The following ATP8A1 variants were observed in gnomAD, a reference collection of about 807,000 sequenced individuals.
ATP8A1 encodes phospholipid-transporting ATPase IA.
ATP8A1 carries 90 observed loss-of-function variants against 177.7 expected under a neutral mutation model. The ratio of observed to expected loss-of-function variants is 0.51; its 90% confidence interval spans 0.43 to 0.60. The LOEUF is 0.60. ATP8A1 is among the 20% of genes least tolerant of loss of function. The pLI is 0.00. For synonymous variants in ATP8A1, 493 were observed against 485.9 expected (o/e 1.01, Z -0.19); for missense variants, 1,072 against 1,392.8 (o/e 0.77, Z 3.67).
intron 35 of ATP8A1, among the ~76,000 whole-genome samples, chr4:42,419,038 G>C (rs1713564132): frequency 6.6e-6 from 1 of 152,140 alleles, no homozygotes; most frequent in Non-Finnish European, 1.5e-5. Context: ...CTGCATCATT[G>C]TATGACAAAA....
intron 20 of ATP8A1, among the ~76,000 whole-genome samples, chr4:42,536,142 T>C (rs1045544709): frequency 6.6e-6 from 1 of 151,868 alleles, no homozygotes. Context: ...ACAACAACTA[T>C]AAAATATAAA....
At chr4:42,420,922 C>T (rs907252376) in intron 35 of ATP8A1, among the ~76,000 whole-genome samples, 3 of 152,072 alleles carry the variant, frequency 2.0e-5, no homozygotes, top group East Asian at 1.9e-4. Context: ...GCGCCCGCCA[C>T]CACGCCTGGC....
chr4:42,492,992 C>T lies in ATP8A1; in HGVS notation c.2152-7324G>A, dbSNP rs571641163. The stretch of plus-strand genomic sequence containing the variant: ...AACAAAGATGGTGACTCTACTGAAA[C>T]GAGGTAACTGGAGGCAGAGCCACTG... On this transcript the variant is annotated intron_variant, in intron 24 of 36. Coordinates refer to ENST00000381668, the MANE Select transcript of ATP8A1 (RefSeq NM_006095.2). 2.2e-4 allele frequency among the ~76,000 whole-genome samples: 34 copies of T among 152,294 alleles called. No individual in the cohort carries two copies. In the South Asian group the frequency reaches 2.7e-3, roughly 12 times the overall value.
intron 33 of ATP8A1, among the ~76,000 whole-genome samples, chr4:42,440,761 C>T (rs531034597): frequency 4.6e-5 from 7 of 152,252 alleles, no homozygotes; most frequent in South Asian, 2.1e-4. Context: ...ATTCAGTCAA[C>T]GTCCCTTTAG....
intron 22 of ATP8A1, among the ~76,000 whole-genome samples, chr4:42,520,281 G>A (rs1377753546): frequency 6.6e-6 from 1 of 151,578 alleles, no homozygotes; most frequent in Non-Finnish European, 1.5e-5. Context: ...TATTAATTCT[G>A]TCTCATGAGG....
At chr4:42,530,764 G>T (rs1231391946) in intron 20 of ATP8A1, among the ~76,000 whole-genome samples, 1 of 152,194 alleles carries the variant, frequency 6.6e-6, no homozygotes, top group Non-Finnish European at 1.5e-5. Context: ...AGAAGGCCGT[G>T]TATGCTCTGA....
intron 17 of ATP8A1, 71 bp downstream of exon 17, chr4:42,552,434 A>T: frequency 7.7e-7 from 1 of 1,291,618 alleles, no homozygotes; most frequent in Non-Finnish European, 1.1e-6. Context: ...CTATCTTTTT[A>T]AAATTAAATT....
Position 42,569,220 on chromosome 4 carries a change from A to G in ATP8A1, c.1296-15T>C, listed in dbSNP as rs1731665835. 4.4e-6 allele frequency: 7 copies of G among 1,601,452 alleles called. No individual in the cohort carries two copies. Among genetic ancestry groups the G allele is most frequent in the Non-Finnish European group, 5.1e-6 (6 of 1,172,786 alleles). ...CAGGGACATGGCTTCAGAAAGCAAG[A>G]AGAGAGGCAGAAAGAGAGGAAAAAT... On this transcript the variant is annotated splice_polypyrimidine_tract_variant and intron_variant, in intron 14 of 36. Transcript: ENST00000381668.
intron 25 of ATP8A1, among the ~76,000 whole-genome samples, chr4:42,473,403 C>T (rs1308533919): frequency 1.3e-5 from 2 of 152,136 alleles, no homozygotes; most frequent in African/African-American, 4.8e-5. Flanking sequence ...GCCATGCCAC[C>T]TCTCTATTTA....
intron 27 of ATP8A1, among the ~76,000 whole-genome samples, chr4:42,457,576 T>C (rs1718623156): frequency 6.6e-6 from 1 of 152,210 alleles, no homozygotes; most frequent in South Asian, 2.1e-4. Flanking sequence ...ACGGACAAGA[T>C]TTGGCTCAAA....
intron 1 of ATP8A1, among the ~76,000 whole-genome samples, chr4:42,633,477 T>A (rs1391817970): frequency 2.6e-5 from 4 of 152,196 alleles, no homozygotes; most frequent in Admixed American, 6.5e-5. Context: ...TTGGGCATTT[T>A]AAAAATGTTA....
Position 42,410,073 on chromosome 4 carries a change from A to T in ATP8A1, c.*2843T>A, listed in dbSNP as rs556755406. On this transcript the variant is annotated 3_prime_UTR_variant, in exon 37 of 37. Coordinates refer to ENST00000381668, the MANE Select transcript of ATP8A1 (RefSeq NM_006095.2). ...TAGAGCACAGAGTGGAGGTGGGAGG[A>T]CGGGAAGTACATATATCATTTAAAA... 4 of 152,318 alleles carry T rather than the reference A, an allele frequency of 2.6e-5. No individual in the cohort carries two copies. The South Asian group carries it at 8.3e-4, about 32-fold the overall frequency. 9.4% of individuals were successfully genotyped at this position (152,318 alleles called of 1,614,324 possible). A position where few individuals can be genotyped will look rare whatever the true frequency, so the allele number is the denominator to read the frequency against.
chr4:42,508,656 T>A (rs1724694067), intron 22 of ATP8A1, among the ~76,000 whole-genome samples: 1 of 152,250 alleles, frequency 6.6e-6, no homozygotes, highest in South Asian at 2.1e-4. Context: ...GGTACCCTTC[T>A]TAACAGTGCT....
chr4:42,566,079 G>A (rs917662835), intron 15 of ATP8A1, among the ~76,000 whole-genome samples: 1 of 152,186 alleles, frequency 6.6e-6, no homozygotes, highest in African/African-American at 2.4e-5. Flanking sequence ...ACACCTAAGC[G>A]AGTAGAGCTA....
chr4:42,464,611 T>C (rs1719530490), intron 27 of ATP8A1, 79 bp downstream of exon 27: 4 of 791,648 alleles, frequency 5.1e-6, no homozygotes, highest in African/African-American at 3.5e-5. Context: ...ATTAAAACCA[T>C]GAGAAAACGT....
Position 42,442,789 on chromosome 4 carries a change from C to T in ATP8A1, c.3123+776G>A, listed in dbSNP as rs554394931. On this transcript the variant is annotated intron_variant, in intron 33 of 36. Transcript: ENST00000381668. ...CCACTGGAAAGGGTTCCTGGGACTG[C>T]GGTAAAACAATGTACTGTCACGGAG... 7.2e-5 allele frequency among the ~76,000 whole-genome samples: 11 copies of T among 152,292 alleles called. No individual in the cohort carries two copies. In the South Asian group the frequency reaches 8.3e-4, roughly 11 times the overall value.
chr4:42,602,692 C>A (rs975573188), intron 5 of ATP8A1, among the ~76,000 whole-genome samples: 1 of 152,126 alleles, frequency 6.6e-6, no homozygotes, highest in Non-Finnish European at 1.5e-5. Flanking sequence ...TGGCTTGACC[C>A]CGCGAGGGGG....
chr4:42,540,393 T>G (rs1487900647), intron 20 of ATP8A1, among the ~76,000 whole-genome samples: 2 of 151,778 alleles, frequency 1.3e-5, no homozygotes, highest in African/African-American at 4.8e-5. Flanking sequence ...GAAACTAGAA[T>G]TACCATTCAA....
At chr4:42,547,121 T>C (rs1395328173) in intron 19 of ATP8A1, among the ~76,000 whole-genome samples, 1 of 152,234 alleles carries the variant, frequency 6.6e-6, no homozygotes, top group African/African-American at 2.4e-5. Context: ...TCTGCTTGTA[T>C]GTCTCACAGT....
Sources: gnomAD v4.1 joint callset for allele counts (sites outside exome capture counted in the v4.1 genomes callset) on GRCh38, gnomAD v4.1.1 for gene constraint, MANE v1.5 for transcripts, NCBI Gene and HGNC (gene_info 2026-07-23, HGNC 2026-07-21) for gene names.